ADAMTS5: variants seen among roughly 807,000 people sequenced by gnomAD.
ADAMTS5 encodes the protein ADAM metallopeptidase with thrombospondin type 1 motif 5.
ADAMTS5 carries 54 observed loss-of-function variants against 81.4 expected under a neutral mutation model. The ratio of observed to expected loss-of-function variants is 0.66; its 90% CI spans 0.53 to 0.83. ADAMTS5 has a LOEUF of 0.83. ADAMTS5 is among the 40% of genes least tolerant of loss of function. The pLI is 0.00. For synonymous variants in ADAMTS5, 532 were observed against 508.8 expected, an observed-to-expected ratio of 1.05 and a Z score of -0.61; for missense variants, 1,194 against 1,229.9, an observed-to-expected ratio of 0.97 and a Z score of 0.44.
intron 2 of ADAMTS5, among the ~76,000 whole-genome samples, chr21:26,949,178 A>ATC (rs1181400683): frequency 2.0e-5 from 3 of 148,800 alleles, no homozygotes; most frequent in African/African-American, 7.4e-5. Flanking sequence ...ATATATATAT[A>ATC]TCACACATAT....
chr21:26,936,821 G>A (rs534983382), intron 3 of ADAMTS5, among the ~76,000 whole-genome samples: 4 of 152,268 alleles, frequency 2.6e-5, no homozygotes, highest in Admixed American at 6.5e-5. Flanking sequence ...GACAGAGTGC[G>A]ATTAGGGCTT....
chr21:26,965,492 C>A lies in ADAMTS5; in HGVS notation c.900G>T (p.Arg300Ser). Residue 300 changes from arginine (R) to serine (S), a missense_variant, in exon 1 of 8, where the codon AGG becomes AGT. Arg to Ser is a moderately radical substitution (Grantham distance 110). Transcript: ENST00000284987. The part of the protein sequence containing the change: ...YLLTLASIAN[R>S]LYSHASIENH... ...TCTCGATGCTAGCATGGCTGTACAG[C>A]CTATTGGCGATGGAGGCCAGGGTCA... 10 of 1,614,260 alleles carry A rather than the reference C, an allele frequency of 6.2e-6. No individual in the cohort carries two copies. Among genetic ancestry groups the A allele is most frequent in the Admixed American group, 1.7e-5 (1 of 60,030 alleles).
At chr21:26,954,185 C>T (rs531491014) in intron 2 of ADAMTS5, 29 of 152,252 alleles carry the variant, frequency 1.9e-4, no homozygotes, top group African/African-American at 7.0e-4. Flanking sequence ...TTACAACAAA[C>T]AAATTAGGTA....
At chr21:26,948,616 C>T (rs921671797) in intron 2 of ADAMTS5, among the ~76,000 whole-genome samples, 3 of 152,114 alleles carry the variant, frequency 2.0e-5, no homozygotes, top group East Asian at 3.9e-4. Flanking sequence ...TATTCAAACA[C>T]GAATCTTTAC....
At chr21:26,929,791 T>G in intron 7 of ADAMTS5, 95 bp downstream of exon 7, 3 of 1,276,392 alleles carry the variant, frequency 2.4e-6, no homozygotes, top group Non-Finnish European at 3.2e-6. Flanking sequence ...CTCATACAGA[T>G]AGCTTATGAT....
At chr21:26,945,044 A>T (rs183472816) in intron 2 of ADAMTS5, among the ~76,000 whole-genome samples, 5 of 152,218 alleles carry the variant, frequency 3.3e-5, no homozygotes, top group Admixed American at 3.3e-4. Flanking sequence ...TGTGCATTAT[A>T]GTCTATATAT....
intron 1 of ADAMTS5, among the ~76,000 whole-genome samples, chr21:26,962,097 A>G (rs1987540137): frequency 6.6e-6 from 1 of 152,186 alleles, no homozygotes. Flanking sequence ...TCAGTGTTTC[A>G]ATCTATGAAA....
rs1449793724 is a variant in ADAMTS5 at position 26,966,269 on chromosome 21, G to A, written c.123C>T (p.Ala41=). The change falls in exon 1 of 8, where the codon GCC becomes GCT. Residue 41 remains alanine (A), a synonymous_variant. Coordinates refer to ENST00000284987, the MANE Select transcript of ADAMTS5 (RefSeq NM_007038.5). ...CCTCCCCCTGCCGCCGGCGGGGCTG[G>A]GCGGCTGCTGCAGCAGTCGGAGGCT... is the stretch of plus-strand genomic sequence containing the variant. ...AGQPPTAAAA[A]QPRRRQGEEV... 1 of 1,574,774 alleles carries A rather than the reference G, an allele frequency of 6.4e-7. No homozygotes were observed. The highest frequency in any genetic ancestry group is 1.1e-5 in the South Asian group (1 of 87,838).
chr21:26,924,661 TAA>T, intron 7 of ADAMTS5, 41 bp from the exon 8 acceptor site: 1 of 1,491,068 alleles, frequency 6.7e-7, no homozygotes, highest in Non-Finnish European at 9.0e-7. Flanking sequence ...GGAAGGTGGT[TAA>T]AAAAAGGGAG....
intron 1 of ADAMTS5, among the ~76,000 whole-genome samples, chr21:26,959,286 C>T (rs184638060): frequency 1.3e-5 from 2 of 152,236 alleles, no homozygotes; most frequent in East Asian, 3.9e-4. Flanking sequence ...AGACAAAGTT[C>T]CCTCATCATT....
chr21:26,954,574 T>G (rs1987383417), intron 2 of ADAMTS5, among the ~76,000 whole-genome samples, 165 bp downstream of exon 2: 1 of 152,230 alleles, frequency 6.6e-6, no homozygotes, highest in African/African-American at 2.4e-5. Context: ...GCCTTCCCTG[T>G]CGCTCGTATT....
At chr21:26,957,005 C>T (rs1601018579) in intron 1 of ADAMTS5, among the ~76,000 whole-genome samples, 1 of 152,186 alleles carries the variant, frequency 6.6e-6, no homozygotes, top group East Asian at 1.9e-4. Context: ...GACTACTCAG[C>T]CACACTATAT....
At chr21:26,955,942 T>G (rs1987417840) in intron 1 of ADAMTS5, among the ~76,000 whole-genome samples, 1 of 152,230 alleles carries the variant, frequency 6.6e-6, no homozygotes, top group African/African-American at 2.4e-5. Flanking sequence ...AAATAATAAA[T>G]GTTTCTATTA....
intron 4 of ADAMTS5, among the ~76,000 whole-genome samples, chr21:26,933,988 C>G (rs185749929): frequency 6.6e-6 from 1 of 152,236 alleles, no homozygotes; most frequent in East Asian, 1.9e-4. Flanking sequence ...CCGGAGCAGT[C>G]GTAAGTTACT....
intron 1 of ADAMTS5, among the ~76,000 whole-genome samples, chr21:26,960,218 T>A (rs1987502958): frequency 6.6e-6 from 1 of 152,208 alleles, no homozygotes; most frequent in African/African-American, 2.4e-5. Flanking sequence ...TTGAGCCTCC[T>A]CTTGAAGATT....
chr21:26,958,688 T>G (rs1003057872), intron 1 of ADAMTS5, among the ~76,000 whole-genome samples: 9 of 152,202 alleles, frequency 5.9e-5, no homozygotes, highest in Non-Finnish European at 1.5e-5. Flanking sequence ...ACTGTGGAAG[T>G]GCTGACACTG....
chr21:26,953,976 G>A (rs1987370536), intron 2 of ADAMTS5: 2 of 152,764 alleles, frequency 1.3e-5, no homozygotes, highest in African/African-American at 4.8e-5. Context: ...AGGACTAGAT[G>A]TTGGAATTAG....
chr21:26,925,963 A>T (rs1482771819), intron 7 of ADAMTS5, among the ~76,000 whole-genome samples: 2 of 152,224 alleles, frequency 1.3e-5, no homozygotes, highest in African/African-American at 4.8e-5. Context: ...ATTTTGTTAC[A>T]GATGTGTTTT....
Position 26,953,585 on chromosome 21 carries a change from A to T in ADAMTS5, c.1237+1154T>A, listed in dbSNP as rs552404394. Among the ~76,000 whole-genome samples the T allele has an allele frequency of 3.3e-5, 5 of 152,334 alleles. No homozygotes were observed. The East Asian group carries it at 9.7e-4, about 29-fold the overall frequency. On this transcript the variant is annotated intron_variant, in intron 2 of 7. Transcript: ENST00000284987. ...TCTCTGCCTATTAGGAATGTAAAAAAGTAGTTTTAATTCCCATTTAAAAGT... is the reference window on the plus strand; with the variant it reads ...TCTCTGCCTATTAGGAATGTAAAAATGTAGTTTTAATTCCCATTTAAAAGT...
Sources: gnomAD v4.1 joint callset for allele counts (sites outside exome capture counted in the v4.1 genomes callset) on GRCh38, gnomAD v4.1.1 for gene constraint, MANE v1.5 for transcripts, NCBI Gene and HGNC (gene_info 2026-07-23, HGNC 2026-07-21) for gene names.